The following SGIP1 variants were observed in gnomAD, a reference collection of about 807,000 sequenced individuals.
SGIP1 encodes SH3-containing GRB2-like protein 3-interacting protein 1.
Under a neutral mutation model 107.5 loss-of-function variants are expected in SGIP1, and 38 were observed. The observed-to-expected ratio is 0.35, with a 90% CI of 0.27 to 0.46. The LOEUF (loss-of-function observed/expected upper bound fraction) is 0.46, where lower values mean the gene tolerates loss of function less well. SGIP1 is among the 20% of genes least tolerant of loss of function. SGIP1 has a pLI of 1.00. For missense variants in SGIP1, 929 were observed against 1,019.5 expected, an observed-to-expected ratio of 0.91 and a Z score of 1.21; for synonymous variants, 365 against 366.1, an observed-to-expected ratio of 1.00 and a Z score of 0.03.
chr1:66,585,981 T>A (rs867301559), intron 1 of SGIP1, among the ~76,000 whole-genome samples: 2 of 152,196 alleles, frequency 1.3e-5, no homozygotes, highest in Non-Finnish European at 2.9e-5. Context: ...CAATTGTGGA[T>A]TTGTCTTTTT....
chr1:66,722,557 A>G (rs1036991091), intron 19 of SGIP1, among the ~76,000 whole-genome samples: 1 of 152,230 alleles, frequency 6.6e-6, no homozygotes, highest in Non-Finnish European at 1.5e-5. Context: ...CAAAATGGCT[A>G]CTATGTACCT....
At chr1:66,638,413 G>T (rs985708707) in intron 4 of SGIP1, among the ~76,000 whole-genome samples, 1 of 152,156 alleles carries the variant, frequency 6.6e-6, no homozygotes, top group Non-Finnish European at 1.5e-5. Context: ...ATTCAATGAA[G>T]GCAATTATAT....
chr1:66,640,868 T>G (rs149989441), intron 5 of SGIP1, among the ~76,000 whole-genome samples: 1 of 149,540 alleles, frequency 6.7e-6, no homozygotes, highest in African/African-American at 2.5e-5. Context: ...GTTTCAGACA[T>G]AGAAAGAAAA....
intron 1 of SGIP1, among the ~76,000 whole-genome samples, chr1:66,625,596 C>T (rs1169481918): frequency 6.6e-6 from 1 of 152,200 alleles, no homozygotes; most frequent in Admixed American, 6.5e-5. Flanking sequence ...CTTTTCTATA[C>T]CCATGTATCC....
intron 13 of SGIP1, 118 bp downstream of exon 13, chr1:66,677,214 A>G (rs1465027849): frequency 1.1e-5 from 8 of 736,672 alleles, no homozygotes; most frequent in Non-Finnish European, 1.8e-5. Context: ...ACTGAATAAT[A>G]TTAAGAAGAG....
At chr1:66,669,384 G>C (rs1286057744) in intron 9 of SGIP1, among the ~76,000 whole-genome samples, 7 of 152,116 alleles carry the variant, frequency 4.6e-5, no homozygotes, top group Admixed American at 4.6e-4. Context: ...ACAACCTCTG[G>C]GACCTCCTGG....
chr1:66,656,575 A>G (rs1361242313), intron 7 of SGIP1, among the ~76,000 whole-genome samples: 1 of 152,194 alleles, frequency 6.6e-6, no homozygotes, highest in Non-Finnish European at 1.5e-5. Context: ...TTATGGGACC[A>G]CCATCGTATA....
chr1:66,615,700 A>G (rs2069123406), intron 1 of SGIP1, among the ~76,000 whole-genome samples: 1 of 152,198 alleles, frequency 6.6e-6, no homozygotes, highest in Admixed American at 6.5e-5. Flanking sequence ...TTTATGCCTA[A>G]AAAGTCTATC....
intron 19 of SGIP1, among the ~76,000 whole-genome samples, chr1:66,720,604 C>T (rs1157369312): frequency 1.3e-5 from 2 of 152,036 alleles, no homozygotes; most frequent in Non-Finnish European, 2.9e-5. Context: ...TGCACACCTG[C>T]AGTCCCAGCT....
chr1:66,743,233 T>G lies in SGIP1; in HGVS notation c.*138T>G. Reference sequence around the variant, plus strand: ...TCAGGTGGAAAGTCAATGACTTTCATCTGTGATTTCCCTCACACACTACCA... The same window carrying G: ...TCAGGTGGAAAGTCAATGACTTTCAGCTGTGATTTCCCTCACACACTACCA... On this transcript the variant is annotated 3_prime_UTR_variant, in exon 25 of 25. Coordinates refer to ENST00000371037, the MANE Select transcript of SGIP1 (RefSeq NM_032291.4). The G allele has an allele frequency of 1.3e-6, 1 of 768,958 alleles. No homozygotes were observed. The allele number at this position is 768,958 out of a possible 1,614,324, so 47.6% of individuals were successfully genotyped here. A position where few individuals can be genotyped will look rare whatever the true frequency, so the allele number is the denominator to read the frequency against.
At chr1:66,613,320 A>C (rs1208410937) in intron 1 of SGIP1, among the ~76,000 whole-genome samples, 4 of 147,394 alleles carry the variant, frequency 2.7e-5, no homozygotes, top group African/African-American at 7.3e-5. Context: ...CTTAGAACTT[A>C]AGTTTTTTTG....
At chr1:66,597,066 A>G (rs565913872) in intron 1 of SGIP1, among the ~76,000 whole-genome samples, 1 of 152,352 alleles carries the variant, frequency 6.6e-6, no homozygotes, top group East Asian at 1.9e-4. Flanking sequence ...AATTTATTTT[A>G]GTACATGTGC....
At chr1:66,541,590 C>G (rs780597598) in intron 1 of SGIP1, among the ~76,000 whole-genome samples, 1 of 152,180 alleles carries the variant, frequency 6.6e-6, no homozygotes, top group Non-Finnish European at 1.5e-5. Flanking sequence ...CACATCTACT[C>G]ACATGTTTTT....
At chr1:66,548,078 G>A (rs1384191061) in intron 1 of SGIP1, among the ~76,000 whole-genome samples, 1 of 152,150 alleles carries the variant, frequency 6.6e-6, no homozygotes, top group African/African-American at 2.4e-5. Context: ...ATGAGCAATG[G>A]AGGTGGATCT....
intron 15 of SGIP1, 67 bp downstream of exon 15, chr1:66,682,436 C>T: frequency 5.2e-6 from 8 of 1,531,720 alleles, no homozygotes; most frequent in Admixed American, 2.2e-5. Context: ...GTGTGAGCAA[C>T]ACCGTCCTCC....
At chr1:66,675,367 G>A (rs2084949995) in intron 12 of SGIP1, among the ~76,000 whole-genome samples, 1 of 152,048 alleles carries the variant, frequency 6.6e-6, no homozygotes, top group African/African-American at 2.4e-5. Context: ...GGCCTCAGTT[G>A]TTCTTTAGAT....
intron 15 of SGIP1, chr1:66,684,232 A>G (rs2087629989): frequency 1.3e-6 from 2 of 1,550,236 alleles, no homozygotes. Context: ...TGTGCTCTCC[A>G]GGCACTTTTG....
At chr1:66,736,768 T>C (rs1387801933) in intron 21 of SGIP1, among the ~76,000 whole-genome samples, 1 of 151,836 alleles carries the variant, frequency 6.6e-6, no homozygotes, top group Non-Finnish European at 1.5e-5. Context: ...TGGTTTAGAA[T>C]GCCACCCAGG....
At chr1:66,720,472 A>C (rs758150422) in intron 19 of SGIP1, among the ~76,000 whole-genome samples, 1 of 152,216 alleles carries the variant, frequency 6.6e-6, no homozygotes, top group Non-Finnish European at 1.5e-5. Flanking sequence ...TCACACCTGT[A>C]ATTCCAGCAC....
Sources: allele counts gnomAD v4.1 joint callset (sites outside exome capture counted in the v4.1 genomes callset), GRCh38; gene constraint gnomAD v4.1.1; transcripts MANE v1.5; gene names NCBI Gene and HGNC (gene_info 2026-07-23, HGNC 2026-07-21).